CXCL13: variants seen among roughly 807,000 people sequenced by gnomAD.
CXCL13 encodes C-X-C motif chemokine ligand 13, also known as C-X-C motif chemokine 13.
In CXCL13, 7 loss-of-function variants were observed where a neutral mutation model predicts 12.2. The observed-to-expected ratio is 0.57, with a 90% CI of 0.33 to 1.07. The LOEUF (loss-of-function observed/expected upper bound fraction) is 1.07. Among genes scored for constraint, CXCL13 ranks in the 50% least tolerant of loss-of-function variants. The pLI, the probability that CXCL13 is intolerant of heterozygous loss-of-function variation, is 0.04. For synonymous variants in CXCL13, 47 were observed against 42.4 expected, an observed-to-expected ratio of 1.11 and a Z score of -0.42; for missense variants, 113 against 127.4, an observed-to-expected ratio of 0.89 and a Z score of 0.55.
chr4:77,538,471 G>T (rs544328598), intron 1 of CXCL13, among the ~76,000 whole-genome samples: 1 of 142,778 alleles, frequency 7.0e-6, no homozygotes, highest in South Asian at 2.2e-4. Flanking sequence ...CAGGAAAGAA[G>T]AAATCAGAAA....
At chr4:77,545,425 A>T (rs1001279742) in intron 1 of CXCL13, among the ~76,000 whole-genome samples, 1 of 152,066 alleles carries the variant, frequency 6.6e-6, no homozygotes, top group Non-Finnish European at 1.5e-5. Context: ...TATTTCCTTG[A>T]GCAGTGGTTT....
intron 1 of CXCL13, among the ~76,000 whole-genome samples, chr4:77,564,557 G>T (rs1041219996): frequency 6.6e-6 from 1 of 152,200 alleles, no homozygotes; most frequent in Non-Finnish European, 1.5e-5. Flanking sequence ...CTGTTAAAAA[G>T]GGACTTATAG....
intron 1 of CXCL13, among the ~76,000 whole-genome samples, chr4:77,539,794 G>A (rs1181503262): frequency 6.6e-6 from 1 of 152,090 alleles, no homozygotes; most frequent in Non-Finnish European, 1.5e-5. Flanking sequence ...TATTATTTCA[G>A]CGAGACAGTT....
intron 1 of CXCL13, among the ~76,000 whole-genome samples, chr4:77,571,955 G>T (rs536064438): frequency 6.6e-6 from 1 of 151,858 alleles, no homozygotes; most frequent in Admixed American, 6.5e-5. Flanking sequence ...AACACTCACT[G>T]CGAAGGTCTG....
chr4:77,534,221 C>T (rs896562338), intron 1 of CXCL13, among the ~76,000 whole-genome samples: 1 of 152,148 alleles, frequency 6.6e-6, no homozygotes, highest in East Asian at 1.9e-4. Context: ...ATGCAACTAC[C>T]ATATGACCTA....
intron 1 of CXCL13, among the ~76,000 whole-genome samples, chr4:77,556,647 TA>T (rs1725667015): frequency 5.3e-5 from 8 of 152,206 alleles, no homozygotes; most frequent in African/African-American, 7.2e-5. Flanking sequence ...TACAAAATAC[TA>T]AAATATAAAG....
At chr4:77,535,793 T>C (rs761627595) in intron 1 of CXCL13, among the ~76,000 whole-genome samples, 2 of 152,188 alleles carry the variant, frequency 1.3e-5, no homozygotes, top group Admixed American at 6.5e-5. Context: ...TTCAAGTGAA[T>C]GTGCCTTTAG....
At position 77,532,976 on chromosome 4, in the gene CXCL13, T is replaced by C. The variant is rs142365579; in HGVS notation, c.-43+21188T>C. Among the ~76,000 whole-genome samples, 224 of 152,272 alleles carry C rather than the reference T, an allele frequency of 1.5e-3. 1 individual carries two copies. The highest frequency in any genetic ancestry group is 5.0e-3 in the African/African-American group (209 of 41,552). On this transcript the variant is annotated intron_variant, in intron 1 of 4. Coordinates refer to the CXCL13 transcript ENST00000286758. ...AGGTTTTTAACTTCTTTGCCATGGG[T>C]TTGAACTTCCTCCTTTAGCTCAGAG...
At chr4:77,607,217 A>C (rs1213793180) in intron 1 of CXCL13, among the ~76,000 whole-genome samples, 1 of 152,212 alleles carries the variant, frequency 6.6e-6, no homozygotes, top group Non-Finnish European at 1.5e-5. Flanking sequence ...ATTATAACTG[A>C]GTTGTAAGTC....
intron 1 of CXCL13, among the ~76,000 whole-genome samples, chr4:77,527,777 T>G (rs1052258497): frequency 5.9e-5 from 9 of 152,126 alleles, no homozygotes; most frequent in African/African-American, 2.2e-4. Flanking sequence ...CTTTTTTTAT[T>G]ATTTTTTATT....
chr4:77,513,096 A>G (rs182403393), intron 1 of CXCL13, among the ~76,000 whole-genome samples: 2 of 152,184 alleles, frequency 1.3e-5, no homozygotes, highest in Non-Finnish European at 2.9e-5. Context: ...TGTCCCTGAA[A>G]AGGACATGAA....
chr4:77,519,272 G>T (rs191787559), intron 1 of CXCL13, among the ~76,000 whole-genome samples: 3 of 152,158 alleles, frequency 2.0e-5, no homozygotes, highest in Non-Finnish European at 4.4e-5. Context: ...CAGTCTGCCC[G>T]TTCTCAGATC....
intron 1 of CXCL13, among the ~76,000 whole-genome samples, chr4:77,593,227 T>C (rs1726659403): frequency 6.6e-6 from 1 of 152,248 alleles, no homozygotes; most frequent in South Asian, 2.1e-4. Context: ...ATTATGCCTA[T>C]GATTAATCAC....
At chr4:77,592,344 A>G (rs891348802) in intron 1 of CXCL13, among the ~76,000 whole-genome samples, 2 of 152,202 alleles carry the variant, frequency 1.3e-5, no homozygotes, top group Non-Finnish European at 2.9e-5. Context: ...AGACAAATAC[A>G]TGTTCTCACT....
intron 1 of CXCL13, among the ~76,000 whole-genome samples, chr4:77,531,311 T>C (rs1479805469): frequency 1.6e-5 from 2 of 128,896 alleles, no homozygotes; most frequent in Admixed American, 8.3e-5. Context: ...TGTGTAGTGT[T>C]CCCCTTCCTG....
chr4:77,562,395 G>T (rs961307196), intron 1 of CXCL13, among the ~76,000 whole-genome samples: 1 of 152,074 alleles, frequency 6.6e-6, no homozygotes, highest in Non-Finnish European at 1.5e-5. Context: ...GGTGAAGCCA[G>T]CTGGGCTCCT....
intron 1 of CXCL13, among the ~76,000 whole-genome samples, chr4:77,551,446 C>T (rs1240437465): frequency 2.0e-5 from 3 of 152,158 alleles, no homozygotes. Flanking sequence ...TGAAAATAGG[C>T]CACCAATCTC....
chr4:77,545,510 T>C (rs985548781), intron 1 of CXCL13, among the ~76,000 whole-genome samples: 2 of 152,200 alleles, frequency 1.3e-5, no homozygotes, highest in African/African-American at 4.8e-5. Flanking sequence ...TTTGAAGCAA[T>C]TGTGAATGGG....
At chr4:77,533,735 G>A (rs1006786203) in intron 1 of CXCL13, among the ~76,000 whole-genome samples, 2 of 152,106 alleles carry the variant, frequency 1.3e-5, no homozygotes, top group Non-Finnish European at 2.9e-5. Context: ...CAGCAATGGC[G>A]GGCACCCCTC....
Sources: allele counts gnomAD v4.1 joint callset (sites outside exome capture counted in the v4.1 genomes callset), GRCh38; gene constraint gnomAD v4.1.1; transcripts MANE v1.5; gene names NCBI Gene and HGNC (gene_info 2026-07-23, HGNC 2026-07-21).